The following LGR6 variants were observed in gnomAD, a reference collection of about 807,000 sequenced individuals.
LGR6 encodes the protein leucine rich repeat containing G protein-coupled receptor 6.
In LGR6, 45 loss-of-function variants were observed where a neutral mutation model predicts 69.4. The observed-to-expected ratio is 0.65, with a 90% CI of 0.51 to 0.83. The LOEUF (loss-of-function observed/expected upper bound fraction) is 0.83. Among genes scored for constraint, LGR6 ranks in the 40% least tolerant of loss-of-function variants. The probability of loss-of-function intolerance (pLI) is 0.00; values close to 1 mark genes in which losing one functional copy is unlikely to be tolerated. For synonymous variants in LGR6, 538 were observed against 555.0 expected (o/e 0.97, Z 0.43); for missense variants, 1,108 against 1,246.7 (o/e 0.89, Z 1.68).
At chr1:202,205,393 TTCAAACACACACA>T (rs1659145275) in intron 1 of LGR6, among the ~76,000 whole-genome samples, 1 of 736 alleles carries the variant, frequency 1.4e-3, no homozygotes, top group African/African-American at 4.0e-3. Flanking sequence ...ACACACCTCC[TTCAAACACACACA>T]CCTCCAAACA....
At chr1:202,205,459 TCCAAACA>T (rs1659160855) in intron 1 of LGR6, among the ~76,000 whole-genome samples, 1 of 19,818 alleles carries the variant, frequency 5.0e-5, no homozygotes, top group Non-Finnish European at 1.0e-4. Flanking sequence ...CACACACACC[TCCAAACA>T]CACACACACC....
At chr1:202,204,991 AACAC>A (rs1168191744) in intron 1 of LGR6, among the ~76,000 whole-genome samples, 1 of 13,216 alleles carries the variant, frequency 7.6e-5, no homozygotes, top group Admixed American at 1.0e-3. Context: ...ACCTCCTTCA[AACAC>A]ACACACACCT....
chr1:202,205,756 TAC>T (rs1013957835), intron 1 of LGR6, among the ~76,000 whole-genome samples: 12 of 101,936 alleles, frequency 1.2e-4, no homozygotes, highest in South Asian at 6.8e-4. Context: ...CTCCTTCAAA[TAC>T]ACACACACAC....
intron 4 of LGR6, among the ~76,000 whole-genome samples, chr1:202,252,976 C>T (rs1663395902): frequency 6.6e-6 from 1 of 152,224 alleles, no homozygotes; most frequent in Non-Finnish European, 1.5e-5. Context: ...ACGCACCCAG[C>T]AGGAAGACAT....
intron 3 of LGR6, among the ~76,000 whole-genome samples, chr1:202,229,971 T>G (rs1208378853): frequency 6.6e-6 from 1 of 152,142 alleles, no homozygotes; most frequent in Non-Finnish European, 1.5e-5. Context: ...TTTCCTTCCA[T>G]TGCTTGCTTT....
intron 1 of LGR6, among the ~76,000 whole-genome samples, chr1:202,208,536 A>G (rs1371805146): frequency 6.6e-6 from 1 of 151,986 alleles, no homozygotes; most frequent in Non-Finnish European, 1.5e-5. Context: ...CCGGGATAGG[A>G]CATGGCCATC....
chr1:202,296,411 CAG>C (rs1667166486), intron 6 of LGR6, among the ~76,000 whole-genome samples: 1 of 152,184 alleles, frequency 6.6e-6, no homozygotes, highest in Admixed American at 6.5e-5. Flanking sequence ...CATTACGTAA[CAG>C]GGAGTACAAC....
intron 4 of LGR6, among the ~76,000 whole-genome samples, chr1:202,245,514 G>A (rs1662584615): frequency 6.6e-6 from 1 of 152,126 alleles, no homozygotes; most frequent in African/African-American, 2.4e-5. Flanking sequence ...GACTTGTGGG[G>A]CTCCTCAGCC....
At chr1:202,202,840 C>A (rs1314442944) in intron 1 of LGR6, among the ~76,000 whole-genome samples, 1 of 152,222 alleles carries the variant, frequency 6.6e-6, no homozygotes, top group Non-Finnish European at 1.5e-5. Flanking sequence ...CTGCCACCAT[C>A]CTTTCCCCTT....
chr1:202,235,918 G>T lies in LGR6; in HGVS notation c.357-4G>T. ...TCCTTAAAGCCCTTTCTCTTCTCCC[G>T]TAGGATGCTGCAGAACAATCAGCTG... On this transcript the variant is annotated splice_polypyrimidine_tract_variant and splice_region_variant and intron_variant, in intron 3 of 17. Transcript: ENST00000367278. 1 of 1,613,878 alleles carries T rather than the reference G, an allele frequency of 6.2e-7. No homozygotes were observed. Among genetic ancestry groups the T allele is most frequent in the Non-Finnish European group, 8.5e-7 (1 of 1,179,900 alleles).
At chr1:202,309,571 A>T (rs1181146791) in intron 15 of LGR6, among the ~76,000 whole-genome samples, 1 of 152,242 alleles carries the variant, frequency 6.6e-6, no homozygotes, top group African/African-American at 2.4e-5. Context: ...TGGGTGGAAA[A>T]CAAGCTGCGC....
At chr1:202,274,766 C>T (rs966520408) in intron 4 of LGR6, among the ~76,000 whole-genome samples, 2 of 152,204 alleles carry the variant, frequency 1.3e-5, no homozygotes, top group African/African-American at 4.8e-5. Flanking sequence ...GGTGTGACGG[C>T]CACCACTGGA....
chr1:202,207,548 G>T (rs1430243701), intron 1 of LGR6, among the ~76,000 whole-genome samples: 2 of 152,124 alleles, frequency 1.3e-5, no homozygotes, highest in African/African-American at 4.8e-5. Context: ...GAAAGGGAGG[G>T]CAGAGGGCCC....
intron 1 of LGR6, among the ~76,000 whole-genome samples, chr1:202,207,746 G>T (rs1659306553): frequency 1.3e-5 from 2 of 152,196 alleles, no homozygotes; most frequent in Non-Finnish European, 2.9e-5. Flanking sequence ...GTAATAGAGG[G>T]ATGACAACGA....
intron 7 of LGR6, among the ~76,000 whole-genome samples, chr1:202,299,328 G>A (rs1475425337): frequency 1.3e-5 from 2 of 151,928 alleles, no homozygotes; most frequent in African/African-American, 2.4e-5. Flanking sequence ...AGTCACCAAG[G>A]TCTAACTTTT....
At chr1:202,221,796 C>T (rs1660171219) in intron 1 of LGR6, among the ~76,000 whole-genome samples, 1 of 152,224 alleles carries the variant, frequency 6.6e-6, no homozygotes, top group African/African-American at 2.4e-5. Context: ...GATGTAGCCA[C>T]AACCAAACCC....
chr1:202,231,372 C>G (rs550564954), intron 3 of LGR6, among the ~76,000 whole-genome samples: 1 of 152,312 alleles, frequency 6.6e-6, no homozygotes, highest in East Asian at 1.9e-4. Context: ...CCGAGCCTCA[C>G]CAACCTGGCT....
chr1:202,211,119 A>G (rs1354805615), intron 1 of LGR6, among the ~76,000 whole-genome samples: 1 of 152,210 alleles, frequency 6.6e-6, no homozygotes, highest in Admixed American at 6.5e-5. Context: ...CCTGGGAGAG[A>G]AGCCTGGCAA....
chr1:202,212,950 G>A (rs1438267947), intron 1 of LGR6, among the ~76,000 whole-genome samples: 2 of 152,064 alleles, frequency 1.3e-5, no homozygotes, highest in African/African-American at 2.4e-5. Flanking sequence ...CTTCCTCCAG[G>A]AAGCCCTCCC....
Sources: gnomAD v4.1 joint callset for allele counts (sites outside exome capture counted in the v4.1 genomes callset) on GRCh38, gnomAD v4.1.1 for gene constraint, MANE v1.5 for transcripts, NCBI Gene and HGNC (gene_info 2026-07-23, HGNC 2026-07-21) for gene names.